Variants in AFG2A observed in about 807,000 individuals in gnomAD.
The protein encoded by AFG2A is ATPase family gene 2 protein homolog A.
At chr4:123,183,765 GT>G in the AFG2A span, among the ~76,000 whole-genome samples, 1 of 152,090 alleles carries the variant, frequency 6.6e-6, no homozygotes, top group Non-Finnish European at 1.5e-5. Context: ...TTGTTTGTTA[GT>G]TTTGTTTTTT....
At chr4:123,173,548 G>C in the AFG2A span, among the ~76,000 whole-genome samples, 1 of 151,738 alleles carries the variant, frequency 6.6e-6, no homozygotes, top group African/African-American at 2.4e-5. Context: ...TAGAGACAGG[G>C]TTTCACCATG....
chr4:123,159,257 A>G, the AFG2A span, among the ~76,000 whole-genome samples: 1 of 152,074 alleles, frequency 6.6e-6, no homozygotes. Context: ...TTTTAATCTG[A>G]TATTATGATG....
chr4:123,059,773 G>A, the AFG2A span, among the ~76,000 whole-genome samples: 2 of 151,708 alleles, frequency 1.3e-5, no homozygotes, highest in African/African-American at 4.8e-5. Context: ...CCCACCAACA[G>A]TGTAAAAGTG....
the AFG2A span, among the ~76,000 whole-genome samples, chr4:123,227,111 A>G: frequency 1.3e-5 from 2 of 151,224 alleles, no homozygotes; most frequent in Non-Finnish European, 2.9e-5. Flanking sequence ...TTTCTTCTTT[A>G]TTAGTCTTGC....
chr4:123,015,603 A>G, the AFG2A span, among the ~76,000 whole-genome samples: 3 of 151,102 alleles, frequency 2.0e-5, no homozygotes, highest in African/African-American at 7.3e-5. Context: ...CAGACATGGC[A>G]ACCATCCGAT....
At chr4:123,313,071 C>T in the AFG2A span, among the ~76,000 whole-genome samples, 29 of 152,210 alleles carry the variant, frequency 1.9e-4, no homozygotes, top group South Asian at 4.1e-4. Flanking sequence ...TTTTCACTAC[C>T]GTAATGTGTC....
At chr4:123,056,434 TAGAG>T in the AFG2A span, 4 of 1,612,492 alleles carry the variant, frequency 2.5e-6, no homozygotes, top group African/African-American at 1.3e-5. Context: ...AAAGAGCAGT[TAGAG>T]AGGTAAGAAA....
At chr4:123,233,771 G>A in the AFG2A span, among the ~76,000 whole-genome samples, 4 of 151,746 alleles carry the variant, frequency 2.6e-5, no homozygotes, top group Non-Finnish European at 4.4e-5. Flanking sequence ...CAGTGTTTAT[G>A]TATACATATA....
At chr4:123,249,306 A>G in the AFG2A span, among the ~76,000 whole-genome samples, 1 of 152,162 alleles carries the variant, frequency 6.6e-6, no homozygotes, top group Admixed American at 6.5e-5. Context: ...GAGTTTTACT[A>G]ACTGGGTGTT....
the AFG2A span, among the ~76,000 whole-genome samples, chr4:122,968,479 C>T: frequency 1.3e-5 from 2 of 152,210 alleles, no homozygotes; most frequent in Non-Finnish European, 2.9e-5. Context: ...CAACCACTCT[C>T]CTGGCTTCGA....
At chr4:123,123,616 G>A in the AFG2A span, among the ~76,000 whole-genome samples, 10 of 152,010 alleles carry the variant, frequency 6.6e-5, no homozygotes, top group African/African-American at 2.4e-4. Context: ...ACCACAATGA[G>A]ATATCATCTC....
the AFG2A span, among the ~76,000 whole-genome samples, chr4:123,139,353 A>G: frequency 6.6e-6 from 1 of 152,054 alleles, no homozygotes; most frequent in Non-Finnish European, 1.5e-5. Flanking sequence ...ACCAACCTGT[A>G]GTTTTGTTTT....
At chr4:123,033,383 C>CT in the AFG2A span, among the ~76,000 whole-genome samples, 1 of 152,076 alleles carries the variant, frequency 6.6e-6, no homozygotes, top group East Asian at 1.9e-4. Context: ...TGTCCAATGG[C>CT]TTTTTTCATT....
chr4:122,930,069 A>G, the AFG2A span, among the ~76,000 whole-genome samples: 1 of 152,228 alleles, frequency 6.6e-6, no homozygotes, highest in African/African-American at 2.4e-5. Flanking sequence ...TGTGAGTCAA[A>G]CAGAAACAAG....
chr4:122,949,445 T>C, the AFG2A span, among the ~76,000 whole-genome samples: 1 of 152,280 alleles, frequency 6.6e-6, no homozygotes, highest in East Asian at 1.9e-4. Context: ...CAGGTACTCA[T>C]GTTAACTGCC....
chr4:122,947,518 A>G, the AFG2A span: 73 of 1,504,620 alleles, frequency 4.9e-5, no homozygotes, highest in Admixed American at 1.8e-4. Context: ...GTGAGTCTCT[A>G]TTGATGCACT....
the AFG2A span, among the ~76,000 whole-genome samples, chr4:122,945,372 C>T: frequency 7.9e-4 from 120 of 152,356 alleles, no homozygotes; most frequent in African/African-American, 2.7e-3. Flanking sequence ...CCCAGCCTCA[C>T]TGCCGCCTTG....
chr4:122,939,859 T>C, the AFG2A span, among the ~76,000 whole-genome samples: 7 of 152,080 alleles, frequency 4.6e-5, no homozygotes, highest in Non-Finnish European at 7.4e-5. Flanking sequence ...TCAATTCCCA[T>C]CTATGAGTGA....
the AFG2A span, among the ~76,000 whole-genome samples, chr4:123,144,597 C>G: frequency 2.6e-5 from 4 of 152,068 alleles, no homozygotes; most frequent in African/African-American, 9.7e-5. Flanking sequence ...AATTAAAAAG[C>G]TCCATAATTA....
Sources: allele counts gnomAD v4.1 joint callset (sites outside exome capture counted in the v4.1 genomes callset), GRCh38; gene constraint gnomAD v4.1.1; transcripts MANE v1.5; gene names NCBI Gene and HGNC (gene_info 2026-07-23, HGNC 2026-07-21).